PDE4B: variants seen among roughly 807,000 people sequenced by gnomAD.
PDE4B encodes the protein 3',5'-cyclic-AMP phosphodiesterase 4B.
PDE4B carries 20 observed loss-of-function variants against 82.2 expected under a neutral mutation model. That is an observed-to-expected ratio of 0.24 (90% CI 0.17 to 0.35). PDE4B has a LOEUF of 0.35. Ranked by LOEUF, PDE4B falls within the 10% of genes least tolerant of loss-of-function variation. The pLI is 1.00. For missense variants in PDE4B, 655 were observed against 907.2 expected (o/e 0.72, Z 3.57); for synonymous variants, 320 against 318.9 (o/e 1.00, Z -0.04).
At chr1:66,134,056 A>C (rs998556658) in intron 3 of PDE4B, among the ~76,000 whole-genome samples, 8 of 137,952 alleles carry the variant, frequency 5.8e-5, no homozygotes, top group Non-Finnish European at 1.3e-4. Flanking sequence ...AAAAAAAAAA[A>C]AGACTTCTAA....
chr1:65,887,736 A>G (rs779089519), intron 1 of PDE4B, among the ~76,000 whole-genome samples: 1 of 151,502 alleles, frequency 6.6e-6, no homozygotes, highest in Admixed American at 6.6e-5. Context: ...ATTTTCATAT[A>G]CCTATTTGCC....
intron 3 of PDE4B, chr1:66,050,813 A>G (rs144489434): frequency 6.6e-6 from 1 of 152,248 alleles, no homozygotes; most frequent in African/African-American, 2.4e-5. Flanking sequence ...CATCATCGTT[A>G]CTATAGAAAC....
intron 3 of PDE4B, among the ~76,000 whole-genome samples, chr1:65,997,565 C>T (rs1301375013): frequency 6.6e-6 from 1 of 152,148 alleles, no homozygotes; most frequent in Non-Finnish European, 1.5e-5. Flanking sequence ...AGTTTGTTAG[C>T]TAACTCTACT....
intron 1 of PDE4B, among the ~76,000 whole-genome samples, chr1:65,818,621 T>C (rs1202161305): frequency 2.0e-5 from 3 of 150,894 alleles, no homozygotes; most frequent in East Asian, 1.9e-4. Context: ...AAGGGCTTAT[T>C]ATACAATGAA....
At chr1:66,033,778 T>C (rs1433347730) in intron 3 of PDE4B, among the ~76,000 whole-genome samples, 1 of 73,454 alleles carries the variant, frequency 1.4e-5, no homozygotes, top group Non-Finnish European at 4.8e-5. Flanking sequence ...TTTTCTTTCT[T>C]TCTTTCTTTC....
chr1:66,043,381 T>C (rs559325760), intron 3 of PDE4B, among the ~76,000 whole-genome samples: 1 of 151,912 alleles, frequency 6.6e-6, no homozygotes, highest in African/African-American at 2.4e-5. Flanking sequence ...ATGGAAAATT[T>C]CCCAAGCTCA....
intron 3 of PDE4B, among the ~76,000 whole-genome samples, chr1:66,021,012 C>G (rs1320914312): frequency 6.6e-6 from 1 of 152,184 alleles, no homozygotes; most frequent in African/African-American, 2.4e-5. Context: ...GCCATTCTAA[C>G]TGGTGTGAGA....
intron 1 of PDE4B, among the ~76,000 whole-genome samples, chr1:65,800,226 C>T (rs1032772018): frequency 6.6e-6 from 1 of 152,122 alleles, no homozygotes; most frequent in Admixed American, 6.5e-5. Flanking sequence ...AGCAGACTGC[C>T]TATATATACT....
intron 7 of PDE4B, among the ~76,000 whole-genome samples, chr1:66,278,483 C>G (rs1656055104): frequency 6.6e-6 from 1 of 152,206 alleles, no homozygotes; most frequent in Admixed American, 6.5e-5. Context: ...CTCTGGAAAG[C>G]AAATGCAAGG....
intron 3 of PDE4B, among the ~76,000 whole-genome samples, chr1:66,178,654 G>A (rs496713): frequency 0.7 from 105,725 of 152,068 alleles, 36,837 homozygotes; most frequent in South Asian, 0.79. Flanking sequence ...TTGTTTACAA[G>A]TGCAAGTCAA....
rs78436518 is a variant in PDE4B, at chr1:65,805,778, A to T, written c.-71+12530A>T. Among the ~76,000 whole-genome samples, 550 of 152,266 alleles carry T rather than the reference A, an allele frequency of 3.6e-3. 2 individuals are homozygous for T. The highest frequency in any genetic ancestry group is 0.013 in the African/African-American group (529 of 41,566). Reference sequence around the variant, plus strand: ...CCATTTTACTCAGAATTTTGAAGGCATATTTCCATGTCTGTTGGCTGTCAT... The same window carrying T: ...CCATTTTACTCAGAATTTTGAAGGCTTATTTCCATGTCTGTTGGCTGTCAT... On this transcript the variant is annotated intron_variant, in intron 1 of 16. Transcript: ENST00000341517.
chr1:65,911,489 C>T (rs983178811), intron 1 of PDE4B, among the ~76,000 whole-genome samples: 2 of 151,678 alleles, frequency 1.3e-5, no homozygotes, highest in African/African-American at 4.8e-5. Context: ...ACATTTAAAT[C>T]TTGCTTTTCT....
At chr1:66,276,995 C>T (rs1655923242) in intron 7 of PDE4B, among the ~76,000 whole-genome samples, 1 of 152,154 alleles carries the variant, frequency 6.6e-6, no homozygotes, top group Non-Finnish European at 1.5e-5. Flanking sequence ...TTAGTTTTAT[C>T]ACTATTTATC....
intron 7 of PDE4B, 119 bp downstream of exon 7, chr1:66,266,206 T>C: frequency 1.3e-6 from 1 of 779,480 alleles, no homozygotes; most frequent in South Asian, 1.5e-5. Context: ...CTCAAAAGTA[T>C]GTCTCTTGGT....
At position 65,906,298 on chromosome 1, in the gene PDE4B, C is replaced by T. The variant is rs548294017; in HGVS notation, c.-70-6947C>T. Reference sequence around the variant, plus strand: ...AAAAATTCTCTAATCCATCCTAAACCTCCACTAATGCCATCTTCACTTTGG... The same window carrying T: ...AAAAATTCTCTAATCCATCCTAAACTTCCACTAATGCCATCTTCACTTTGG... On this transcript the variant is annotated intron_variant, in intron 1 of 16. Transcript: ENST00000341517. 6.6e-5 allele frequency among the ~76,000 whole-genome samples: 10 copies of T among 152,134 alleles called. No homozygotes were observed. The East Asian group carries it at 1.7e-3, about 26-fold the overall frequency.
At chr1:65,814,127 G>A (rs146579578) in intron 1 of PDE4B, among the ~76,000 whole-genome samples, 9 of 152,266 alleles carry the variant, frequency 5.9e-5, no homozygotes, top group Middle Eastern at 3.4e-3. Flanking sequence ...AAATTCAGTC[G>A]TGAATTGACT....
chr1:65,978,673 T>C (rs942008842), intron 3 of PDE4B, among the ~76,000 whole-genome samples: 4 of 152,212 alleles, frequency 2.6e-5, no homozygotes, highest in Non-Finnish European at 5.9e-5. Context: ...AGGAAATATG[T>C]TATCTATGGC....
intron 3 of PDE4B, among the ~76,000 whole-genome samples, chr1:66,220,638 C>T (rs2101603603): frequency 6.6e-6 from 1 of 152,218 alleles, no homozygotes; most frequent in Non-Finnish European, 1.5e-5. Flanking sequence ...ATTTATCCTT[C>T]CTTGCTCACA....
At chr1:66,011,213 A>T (rs1652466678) in intron 3 of PDE4B, among the ~76,000 whole-genome samples, 2 of 112,990 alleles carry the variant, frequency 1.8e-5, no homozygotes, top group Non-Finnish European at 1.8e-5. Flanking sequence ...CAAATAAAAC[A>T]TTCATCTGCC....
Sources: allele counts gnomAD v4.1 joint callset (sites outside exome capture counted in the v4.1 genomes callset), GRCh38; gene constraint gnomAD v4.1.1; transcripts MANE v1.5; gene names NCBI Gene and HGNC (gene_info 2026-07-23, HGNC 2026-07-21).